SIGLEC5: variants seen among roughly 807,000 people sequenced by gnomAD.
The protein encoded by SIGLEC5 is sialic acid-binding Ig-like lectin 5.
In SIGLEC5, 34 loss-of-function variants were observed where a neutral mutation model predicts 45.9. That is an observed-to-expected ratio of 0.74 (90% CI 0.56 to 0.99). The LOEUF (loss-of-function observed/expected upper bound fraction) is 0.99, where lower values mean the gene tolerates loss of function less well. SIGLEC5 is among the 50% of genes least tolerant of loss of function. The pLI, the probability that SIGLEC5 is intolerant of heterozygous loss-of-function variation, is 0.00. For missense variants in SIGLEC5, 508 were observed against 629.6 expected (o/e 0.81, Z 2.07); for synonymous variants, 203 against 258.6 (o/e 0.79, Z 2.06).
intron 4 of SIGLEC5, among the ~76,000 whole-genome samples, chr19:51,628,827 G>T (rs769123977): frequency 6.7e-6 from 1 of 148,970 alleles, no homozygotes; most frequent in African/African-American, 2.5e-5. Context: ...GTGTGTGTGC[G>T]TGTGTGTGTG....
At chr19:51,627,278 A>T (rs1983519713) in intron 6 of SIGLEC5, 30 bp from the exon 7 acceptor site, 1 of 1,597,826 alleles carries the variant, frequency 6.3e-7, no homozygotes, top group African/African-American at 1.3e-5. Context: ...GCAATAACTC[A>T]CTCCCAGGAC....
intron 8 of SIGLEC5, among the ~76,000 whole-genome samples, chr19:51,625,063 G>A (rs1269110960): frequency 6.6e-6 from 1 of 152,136 alleles, no homozygotes; most frequent in Non-Finnish European, 1.5e-5. Context: ...ATGCATGTAG[G>A]GCTGTAAACA....
chr19:51,617,605 A>G (rs1983115734), intron 8 of SIGLEC5, among the ~76,000 whole-genome samples: 1 of 152,202 alleles, frequency 6.6e-6, no homozygotes, highest in South Asian at 2.1e-4. Flanking sequence ...CCTGCCAAAT[A>G]AAATTAAAAT....
intron 8 of SIGLEC5, among the ~76,000 whole-genome samples, chr19:51,618,579 C>T (rs1308747693): frequency 2.0e-5 from 3 of 151,316 alleles, no homozygotes; most frequent in Admixed American, 1.3e-4. Flanking sequence ...ATCACTTGAG[C>T]CCAGGAGTTC....
intron 8 of SIGLEC5, among the ~76,000 whole-genome samples, chr19:51,616,586 A>G (rs62114989): frequency 0.051 from 7,727 of 152,154 alleles, 303 homozygotes; most frequent in East Asian, 0.19. Context: ...ACTAGAACAT[A>G]TGAGAAAAAG....
At chr19:51,624,421 C>T (rs925344557) in intron 8 of SIGLEC5, among the ~76,000 whole-genome samples, 3 of 152,088 alleles carry the variant, frequency 2.0e-5, no homozygotes, top group Admixed American at 6.5e-5. Context: ...CAAGTTATCA[C>T]CAATGTGTTA....
In SIGLEC5 at chr19:51,628,103, G is replaced by T. The variant is rs779560866; in HGVS notation, c.740-12C>A. 1 of 1,504,914 alleles carries T rather than the reference G, an allele frequency of 6.6e-7. No individual in the cohort carries two copies. The highest frequency in any genetic ancestry group is 2.3e-5 in the East Asian group (1 of 42,646). The allele number at this position is 1,504,914 out of a possible 1,614,324, so 93.2% of individuals were successfully genotyped here. A position where few individuals can be genotyped will look rare whatever the true frequency, so the allele number is the denominator to read the frequency against. ...CAGGATCTCTAGGGCTTTGGGGAGA[G>T]AAGGGTGGGGAAAGAGAGATGGGGC... On this transcript the variant is annotated splice_polypyrimidine_tract_variant and intron_variant, in intron 4 of 8. Coordinates refer to ENST00000683636, the MANE Select transcript of SIGLEC5 (RefSeq NM_003830.4).
At chr19:51,618,792 C>CAAAAAAAA (rs398035001) in intron 8 of SIGLEC5, among the ~76,000 whole-genome samples, 1 of 48,310 alleles carries the variant, frequency 2.1e-5, no homozygotes, top group Non-Finnish European at 3.5e-5. Context: ...ACTCTGTCTC[C>CAAAAAAAA]AAAAAAAAAA....
At chr19:51,628,669 C>T (rs968903687) in intron 4 of SIGLEC5, among the ~76,000 whole-genome samples, 15 of 147,216 alleles carry the variant, frequency 1.0e-4, no homozygotes, top group South Asian at 2.2e-4. Context: ...TGCATGTGTG[C>T]GTGTGTATGT....
At chr19:51,612,846 C>T (rs923388689) in intron 8 of SIGLEC5, among the ~76,000 whole-genome samples, 6 of 152,146 alleles carry the variant, frequency 3.9e-5, no homozygotes, top group Non-Finnish European at 7.4e-5. Flanking sequence ...ATGCCCTGGA[C>T]TCTAATTAAG....
intron 8 of SIGLEC5, among the ~76,000 whole-genome samples, chr19:51,621,867 A>G (rs979505290): frequency 6.6e-6 from 1 of 152,176 alleles, no homozygotes; most frequent in Non-Finnish European, 1.5e-5. Context: ...AAAAGATAGC[A>G]TTTACAATAG....
rs1983354771 is a variant in SIGLEC5, at chr19:51,623,173, A to G, written c.1464+2859T>C. Among the ~76,000 whole-genome samples, 13 of 152,338 alleles carry G rather than the reference A, an allele frequency of 8.5e-5. 1 individual carries two copies. The South Asian group carries it at 2.7e-3, about 32-fold the overall frequency. ...CCATAAATATATACATCTAATATGTACCCACAAAATTAAAAATAAAAGCAT... is the reference window on the plus strand; with the variant it reads ...CCATAAATATATACATCTAATATGTGCCCACAAAATTAAAAATAAAAGCAT... On this transcript the variant is annotated intron_variant, in intron 8 of 8. Transcript: ENST00000683636.
chr19:51,624,326 G>A (rs1401334983), intron 8 of SIGLEC5, among the ~76,000 whole-genome samples: 2 of 152,068 alleles, frequency 1.3e-5, no homozygotes, highest in African/African-American at 4.8e-5. Flanking sequence ...AGTGGCATAA[G>A]CCTACATATA....
In SIGLEC5 at chr19:51,612,031, G is replaced by A. The variant is rs1982868868; in HGVS notation, c.*200C>T. 1 of 401,368 alleles carries A rather than the reference G, an allele frequency of 2.5e-6. No homozygotes were observed. Among genetic ancestry groups the A allele is most frequent in the African/African-American group, 2.1e-5 (1 of 48,410 alleles). The allele number at this position is 401,368 out of a possible 1,614,324, so 24.9% of individuals were successfully genotyped here. ...ATGGGAAACTGAGGCACAGAGGGAT[G>A]CAGTGAATTGCTTGATGACAGTGCC... On this transcript the variant is annotated 3_prime_UTR_variant, in exon 9 of 9. Coordinates refer to ENST00000683636, the MANE Select transcript of SIGLEC5 (RefSeq NM_003830.4).
At chr19:51,626,894 C>CTT (rs1294811682) in intron 7 of SIGLEC5, among the ~76,000 whole-genome samples, 4 of 144,750 alleles carry the variant, frequency 2.8e-5, no homozygotes, top group Non-Finnish European at 6.1e-5. Flanking sequence ...CTCAGTTCTG[C>CTT]TTTTTGTTTT....
chr19:51,613,160 A>G (rs903326728), intron 8 of SIGLEC5, among the ~76,000 whole-genome samples: 2 of 152,196 alleles, frequency 1.3e-5, no homozygotes, highest in African/African-American at 4.8e-5. Flanking sequence ...GAAAGCTGCA[A>G]GGGAATCTGC....
chr19:51,627,341 G>T, intron 6 of SIGLEC5, 93 bp from the exon 7 acceptor site: 1 of 1,533,424 alleles, frequency 6.5e-7, no homozygotes, highest in Non-Finnish European at 8.9e-7. Context: ...GCCCTGCTCA[G>T]ACAGGAGATG....
chr19:51,615,436 TG>T (rs1360466546), intron 8 of SIGLEC5, among the ~76,000 whole-genome samples: 18 of 152,144 alleles, frequency 1.2e-4, no homozygotes, highest in Admixed American at 1.0e-3. Flanking sequence ...GGACAAACAT[TG>T]TCTGCCCCTC....
chr19:51,611,762 G>T lies in SIGLEC5; in HGVS notation c.*469C>A, dbSNP rs1322131708. On this transcript the variant is annotated 3_prime_UTR_variant, in exon 9 of 9. Coordinates refer to ENST00000683636, the MANE Select transcript of SIGLEC5 (RefSeq NM_003830.4). The stretch of plus-strand genomic sequence containing the variant: ...GGCTGAGGGGCTGGTCTTTCCTAGG[G>T]AGTCTTCGAAGAGTTTTGGGAAGGG... 6.6e-6 allele frequency among the ~76,000 whole-genome samples: 1 copy of T among 152,190 alleles called. No individual in the cohort carries two copies. The highest frequency in any genetic ancestry group is 2.4e-5 in the African/African-American group (1 of 41,442).
Sources: allele counts gnomAD v4.1 joint callset (sites outside exome capture counted in the v4.1 genomes callset), GRCh38; gene constraint gnomAD v4.1.1; transcripts MANE v1.5; gene names NCBI Gene and HGNC (gene_info 2026-07-23, HGNC 2026-07-21).